Variants in RGS7 observed in about 807,000 individuals in gnomAD.
RGS7 encodes the protein regulator of G-protein signaling 7.
In RGS7, 27 loss-of-function variants were observed where a neutral mutation model predicts 81.1. The ratio of observed to expected loss-of-function variants is 0.33; its 90% CI spans 0.25 to 0.46. The LOEUF (loss-of-function observed/expected upper bound fraction) is 0.46. RGS7 is among the 20% of genes least tolerant of loss of function. The probability of loss-of-function intolerance (pLI) is 1.00; values close to 1 mark genes in which losing one functional copy is unlikely to be tolerated. For synonymous variants in RGS7, 208 were observed against 207.7 expected (o/e 1.00, Z -0.01); for missense variants, 396 against 607.4 (o/e 0.65, Z 3.66).
intron 4 of RGS7, among the ~76,000 whole-genome samples, chr1:240,939,023 C>T (rs1399359763): frequency 2.0e-5 from 3 of 152,212 alleles, no homozygotes; most frequent in African/African-American, 7.2e-5. Flanking sequence ...TTCTCTGTGC[C>T]TCCCCCATCT....
chr1:241,192,544 C>T (rs529876448), intron 2 of RGS7, among the ~76,000 whole-genome samples: 1 of 152,120 alleles, frequency 6.6e-6, no homozygotes, highest in South Asian at 2.1e-4. Flanking sequence ...CAGAAGTCAT[C>T]CAGGATTTAG....
At chr1:241,324,746 T>G (rs2081399045) in intron 2 of RGS7, among the ~76,000 whole-genome samples, 1 of 152,196 alleles carries the variant, frequency 6.6e-6, no homozygotes. Flanking sequence ...TTCTCTGGCT[T>G]TTTTCCTTGC....
intron 2 of RGS7, among the ~76,000 whole-genome samples, chr1:241,172,990 A>G (rs908318801): frequency 1.2e-4 from 19 of 152,238 alleles, no homozygotes; most frequent in African/African-American, 4.3e-4. Context: ...AAAGGAAAGC[A>G]TAGAGCAGCT....
At chr1:241,158,454 C>T (rs563607562) in intron 2 of RGS7, among the ~76,000 whole-genome samples, 19 of 152,274 alleles carry the variant, frequency 1.2e-4, no homozygotes, top group Non-Finnish European at 2.1e-4. Flanking sequence ...GATGTAGAGA[C>T]CCCACGTTAT....
chr1:240,856,724 G>A (rs1661197338), intron 9 of RGS7, among the ~76,000 whole-genome samples: 1 of 152,082 alleles, frequency 6.6e-6, no homozygotes, highest in Non-Finnish European at 1.5e-5. Context: ...TGAATTTTTA[G>A]CATTCTCTGA....
intron 2 of RGS7, among the ~76,000 whole-genome samples, chr1:241,189,959 C>A (rs945771872): frequency 1.2e-4 from 18 of 152,108 alleles, no homozygotes; most frequent in African/African-American, 4.3e-4. Context: ...AAAATTTAGC[C>A]GGGCGCGGTG....
In RGS7 at chr1:240,915,549, AGAG is replaced by A. The variant is rs375017087; in HGVS notation, c.385+15165_385+15167del. Among the ~76,000 whole-genome samples the A allele has an allele frequency of 3.1e-3, 479 of 152,332 alleles. 2 individuals carry two copies. Among genetic ancestry groups the A allele is most frequent in the African/African-American group, 0.011 (457 of 41,576 alleles). On this transcript the variant is annotated intron_variant, in intron 6 of 18. Coordinates refer to ENST00000440928, the MANE Select transcript of RGS7 (RefSeq NM_001364886.1). Reference sequence around the variant, plus strand: ...AGCGGGGAATAAAAACAAGGACATCAGAGGAGATGTTAGCCTCTAAAGCCTCTA... The same window carrying A: ...AGCGGGGAATAAAAACAAGGACATCAGAGATGTTAGCCTCTAAAGCCTCTA...
At chr1:240,830,269 G>A (rs969961058) in intron 9 of RGS7, among the ~76,000 whole-genome samples, 6 of 152,234 alleles carry the variant, frequency 3.9e-5, no homozygotes, top group African/African-American at 1.4e-4. Flanking sequence ...GTGGGTGGAT[G>A]GGAGCCTGAA....
chr1:241,049,968 C>T (rs548727864), intron 3 of RGS7, among the ~76,000 whole-genome samples: 75 of 147,904 alleles, frequency 5.1e-4, no homozygotes, highest in African/African-American at 9.7e-4. Flanking sequence ...TGAGTGCCCT[C>T]GGTACTTTTC....
At chr1:241,260,199 C>T (rs2148276617) in intron 2 of RGS7, among the ~76,000 whole-genome samples, 1 of 152,264 alleles carries the variant, frequency 6.6e-6, no homozygotes, top group Middle Eastern at 3.4e-3. Context: ...CAGGCTAAGC[C>T]ACAATTGTCC....
At chr1:240,941,377 T>C (rs1677551819) in intron 4 of RGS7, among the ~76,000 whole-genome samples, 1 of 151,168 alleles carries the variant, frequency 6.6e-6, no homozygotes, top group Non-Finnish European at 1.5e-5. Flanking sequence ...GCAGGATAAA[T>C]GCCTAGATGA....
At chr1:240,799,034 T>G (rs1366234876) in intron 18 of RGS7, among the ~76,000 whole-genome samples, 9 of 152,196 alleles carry the variant, frequency 5.9e-5, no homozygotes, top group Non-Finnish European at 1.0e-4. Context: ...AAATTTAGTA[T>G]GTAAAGATCT....
chr1:241,082,275 C>T lies in RGS7; in HGVS notation c.175+16391G>A, dbSNP rs142824216. On this transcript the variant is annotated intron_variant, in intron 3 of 18. Coordinates refer to ENST00000440928, the MANE Select transcript of RGS7 (RefSeq NM_001364886.1). ...TCACCTCCAGTCCCAATAATATTCA[C>T]TCCAAATATAAAATGGCAAATTCAC... is the stretch of plus-strand genomic sequence containing the variant. Among the ~76,000 whole-genome samples, 680 of 152,282 alleles carry T rather than the reference C, an allele frequency of 4.5e-3. 5 individuals carry two copies. The highest frequency in any genetic ancestry group is 6.3e-3 in the Non-Finnish European group (430 of 68,034).
At chr1:241,307,827 C>A (rs553321164) in intron 2 of RGS7, among the ~76,000 whole-genome samples, 2 of 152,030 alleles carry the variant, frequency 1.3e-5, no homozygotes, top group South Asian at 4.2e-4. Context: ...AGATGTCTTC[C>A]CAGAGAAGTG....
intron 6 of RGS7, among the ~76,000 whole-genome samples, chr1:240,878,489 CT>C (rs57896753): frequency 0.049 from 5,808 of 117,578 alleles, 301 homozygotes; most frequent in African/African-American, 0.16. Flanking sequence ...TTTTTTCTTT[CT>C]TTTTTTTTTT....
In RGS7 at chr1:241,259,667, A is replaced by AAAT; in HGVS notation, c.78+96031_78+96032insATT. 1.8e-3 allele frequency among the ~76,000 whole-genome samples: 88 copies of AAAT among 49,002 alleles called. 1 individual carries two copies. Among genetic ancestry groups the AAAT allele is most frequent in the Middle Eastern group, 0.029 (2 of 68 alleles). The allele number at this position is 49,002 out of a possible 152,430, so 32.1% of individuals were successfully genotyped here. On this transcript the variant is annotated intron_variant, in intron 2 of 18. Transcript: ENST00000440928. ...CTCCGTCTCAAAAAAAAAAAAAAAA[A>AAAT]ATATATATATATATATATAATTAAA...
chr1:241,296,037 G>A lies in RGS7; in HGVS notation c.78+59662C>T, dbSNP rs375135356. Among the ~76,000 whole-genome samples the A allele has an allele frequency of 4.3e-4, 65 of 152,330 alleles. 2 individuals carry two copies. The highest frequency in any genetic ancestry group is 1.5e-3 in the African/African-American group (64 of 41,576). Reference sequence around the variant, plus strand: ...ATGTTGAGCTTAAAGTGTCCATGGAGTATCTTGAGAAGATTCTGAGAAGTT... The same window carrying A: ...ATGTTGAGCTTAAAGTGTCCATGGAATATCTTGAGAAGATTCTGAGAAGTT... On this transcript the variant is annotated intron_variant, in intron 2 of 18. Transcript: ENST00000440928.
intron 2 of RGS7, among the ~76,000 whole-genome samples, chr1:241,336,240 G>A (rs1296184551): frequency 6.6e-6 from 1 of 152,102 alleles, no homozygotes; most frequent in Admixed American, 6.6e-5. Flanking sequence ...TGCAGAGAGT[G>A]TCCAACTTCT....
At chr1:240,886,919 T>G (rs1442518009) in intron 6 of RGS7, among the ~76,000 whole-genome samples, 1 of 152,184 alleles carries the variant, frequency 6.6e-6, no homozygotes, top group Admixed American at 6.5e-5. Context: ...GCCCATGAGT[T>G]TGAAGACCTT....
Sources: gnomAD v4.1 joint callset for allele counts (sites outside exome capture counted in the v4.1 genomes callset) on GRCh38, gnomAD v4.1.1 for gene constraint, MANE v1.5 for transcripts, NCBI Gene and HGNC (gene_info 2026-07-23, HGNC 2026-07-21) for gene names.